The following TRPC3 variants were observed in gnomAD, a reference collection of about 807,000 sequenced individuals.
The protein encoded by TRPC3 is transient receptor potential cation channel subfamily C member 3.
A neutral mutation model predicts 90.9 loss-of-function variants in TRPC3; 54 were observed. That is an observed-to-expected ratio of 0.59 (90% confidence interval 0.48 to 0.75). The LOEUF is 0.75. Ranked by LOEUF, TRPC3 falls within the 30% of genes least tolerant of loss-of-function variation. The probability of loss-of-function intolerance (pLI) is 0.00; values close to 1 mark genes in which losing one functional copy is unlikely to be tolerated. For missense variants in TRPC3, 918 were observed against 1,194.5 expected (o/e 0.77, Z 3.41); for synonymous variants, 424 against 450.9 (o/e 0.94, Z 0.75).
intron 11 of TRPC3, among the ~76,000 whole-genome samples, chr4:121,881,316 T>G (rs1727933871): frequency 6.6e-6 from 1 of 152,170 alleles, no homozygotes; most frequent in Non-Finnish European, 1.5e-5. Flanking sequence ...TTTCCCCTTT[T>G]GTGCAAGGGC....
chr4:121,876,065 A>AT lies in TRPC3; in HGVS notation c.*3670dup, dbSNP rs1727753787. ...AGACACATGCCACCATGCCCGGCTA[A>AT]TTTTTTTTGTATTTTTTGTAGAGAC... On this transcript the variant is annotated 3_prime_UTR_variant, in exon 12 of 12. Coordinates refer to ENST00000379645, the MANE Select transcript of TRPC3 (RefSeq NM_001130698.2). Among the ~76,000 whole-genome samples the AT allele has an allele frequency of 6.6e-6, 1 of 151,088 alleles. No homozygotes were observed.
At position 121,932,355 on chromosome 4, in the gene TRPC3, TGAGAGGTAAGCC is replaced by T; in HGVS notation, c.891_902del (p.Ala298_Ser301del). 1 of 1,614,066 alleles carries T rather than the reference TGAGAGGTAAGCC, an allele frequency of 6.2e-7. No homozygotes were observed. Among genetic ancestry groups the T allele is most frequent in the Non-Finnish European group, 8.5e-7 (1 of 1,180,000 alleles). On this transcript the variant is annotated inframe_deletion, in exon 2 of 12. Coordinates refer to ENST00000379645, the MANE Select transcript of TRPC3 (RefSeq NM_001130698.2). This position sits in a 1 kb window ranked among gnomAD's most constrained non-coding sequence, Gnocchi z 7.7. ...TAAGCACCGGGTCCTCGCTGGACAA[TGAGAGGTAAGCC>T]GGGCTGGCCAGCCCCTTGTAGGCAT...
chr4:121,918,329 G>A (rs934128158), intron 3 of TRPC3, among the ~76,000 whole-genome samples: 3 of 152,090 alleles, frequency 2.0e-5, no homozygotes, highest in African/African-American at 4.8e-5. Context: ...CAACACAAAC[G>A]GACTAAGGCA....
chr4:121,914,089 TA>T (rs1729210227), intron 4 of TRPC3, among the ~76,000 whole-genome samples: 1 of 152,242 alleles, frequency 6.6e-6, no homozygotes, highest in African/African-American at 2.4e-5. Flanking sequence ...CACATCTTGC[TA>T]GGGGATCTCT....
At chr4:121,882,484 T>C (rs1412518498) in intron 10 of TRPC3, 55 bp from the exon 11 acceptor site, 2 of 1,535,778 alleles carry the variant, frequency 1.3e-6, no homozygotes, top group African/African-American at 1.4e-5. Flanking sequence ...AGTGCCCCAA[T>C]CCTATTTTCC....
intron 10 of TRPC3, among the ~76,000 whole-genome samples, chr4:121,883,804 C>G (rs767679938): frequency 6.6e-6 from 1 of 152,122 alleles, no homozygotes; most frequent in East Asian, 1.9e-4. Context: ...CTCCTGGGCT[C>G]AACGCTGTCC....
At position 121,951,773 on chromosome 4, in the gene TRPC3, C is replaced by G; in HGVS notation, c.-93G>C. ...TCTTCCCGCGGCGCCCCTTCACCAC[C>G]TCCCGCGGCTTCCGGGGCCCCGGGC... On this transcript the variant is annotated 5_prime_UTR_variant, in exon 1 of 12. Coordinates refer to ENST00000379645, the MANE Select transcript of TRPC3 (RefSeq NM_001130698.2). This position sits in a 1 kb window ranked among gnomAD's most constrained non-coding sequence, Gnocchi z 4.4. 1 of 1,093,650 alleles carries G rather than the reference C, an allele frequency of 9.1e-7. No individual in the cohort carries two copies. Among genetic ancestry groups the G allele is most frequent in the East Asian group, 3.3e-5 (1 of 30,586 alleles). The allele number at this position is 1,093,650 out of a possible 1,614,324, so 67.7% of individuals were successfully genotyped here. A position where few individuals can be genotyped will look rare whatever the true frequency, so the allele number is the denominator to read the frequency against.
chr4:121,881,540 C>T (rs888851676), intron 11 of TRPC3, among the ~76,000 whole-genome samples: 3 of 152,210 alleles, frequency 2.0e-5, no homozygotes, highest in African/African-American at 4.8e-5. Context: ...TCACAGGTTT[C>T]TCTTCTACAT....
Position 121,932,715 on chromosome 4 carries a change from G to A in TRPC3, c.543C>T (p.Leu181=). The part of the protein sequence containing the change: ...NLARIGDALL[L]AISKGYVRIV... ...TGCGCACGTAGCCCTTGCTGATGGCGAGCAGCAGGGCGTCGCCAATGCGCG... is the reference window on the plus strand; with the variant it reads ...TGCGCACGTAGCCCTTGCTGATGGCAAGCAGCAGGGCGTCGCCAATGCGCG... The change falls in exon 2 of 12, where the codon CTC becomes CTT. Residue 181 remains leucine (L), a synonymous_variant. Transcript: ENST00000379645. This position sits in a 1 kb window ranked among gnomAD's most constrained non-coding sequence, Gnocchi z 7.7. The A allele has an allele frequency of 1.2e-6, 2 of 1,613,816 alleles. No individual in the cohort carries two copies. The highest frequency in any genetic ancestry group is 1.7e-6 in the Non-Finnish European group (2 of 1,179,812).
intron 6 of TRPC3, among the ~76,000 whole-genome samples, chr4:121,909,198 C>CT (rs1030943153): frequency 6.6e-6 from 1 of 152,040 alleles, no homozygotes; most frequent in Non-Finnish European, 1.5e-5. Context: ...ATATAAAAGT[C>CT]TTTGCTTGCT....
rs148274998 is a variant in TRPC3 at position 121,904,412 on chromosome 4, G to T, written c.2163C>A (p.Tyr721Ter). Residue 721 changes from tyrosine (Y) to a stop codon, truncating the protein, a stop_gained, in exon 8 of 12, where the codon TAC becomes TAA. Transcript: ENST00000379645. LOFTEE classifies it high-confidence loss of function. Reference protein sequence around the residue: ...YDHKFIENIGYVLYGIYNVTM... With the variant: ...YDHKFIENIG Reference sequence around the variant, plus strand: ...TTACATTGTATATTCCATAAAGAACGTATCCAATATTTTCTATGAATTTGT... The same window carrying T: ...TTACATTGTATATTCCATAAAGAACTTATCCAATATTTTCTATGAATTTGT... 6.2e-7 allele frequency: 1 copy of T among 1,606,860 alleles called. No individual in the cohort carries two copies. Among genetic ancestry groups the T allele is most frequent in the East Asian group, 2.2e-5 (1 of 44,586 alleles).
At chr4:121,890,036 A>T (rs534160899) in intron 10 of TRPC3, among the ~76,000 whole-genome samples, 2 of 152,334 alleles carry the variant, frequency 1.3e-5, no homozygotes, top group South Asian at 4.1e-4. Context: ...CCTGGAGGAC[A>T]TAATGTTAAA....
At position 121,883,721 on chromosome 4, in the gene TRPC3, A is replaced by G. The variant is rs1180802728; in HGVS notation, c.2548-1292T>C. ...GAAGACAATTTAGTACTATCTTTTT[A>G]GTTTTTAAATTGATTTCTATTAACA... On this transcript the variant is annotated intron_variant, in intron 10 of 11. Transcript: ENST00000379645. Among the ~76,000 whole-genome samples, 6 of 152,162 alleles carry G rather than the reference A, an allele frequency of 3.9e-5. No homozygotes were observed. The East Asian group carries it at 7.7e-4, about 20-fold the overall frequency.
chr4:121,936,812 C>G (rs958518768), intron 1 of TRPC3, among the ~76,000 whole-genome samples: 4 of 152,160 alleles, frequency 2.6e-5, no homozygotes, highest in Non-Finnish European at 5.9e-5. Flanking sequence ...GACTTCCAGT[C>G]TCCAGAACTG....
rs28478110 is a variant in TRPC3, at chr4:121,929,686, A to G, written c.987+2585T>C. Among the ~76,000 whole-genome samples the G allele has an allele frequency of 4.9e-3, 749 of 152,270 alleles. 6 individuals carry two copies. The highest frequency in any genetic ancestry group is 0.017 in the African/African-American group (719 of 41,530). On this transcript the variant is annotated intron_variant, in intron 2 of 11. Coordinates refer to ENST00000379645, the MANE Select transcript of TRPC3 (RefSeq NM_001130698.2). ...TTGACCTTCACATGTTTTAAACACC[A>G]TACCTACTGTATTCCTCAAAGAAAT... is the stretch of plus-strand genomic sequence containing the variant.
At chr4:121,933,223 C>T (rs1730016514) in intron 1 of TRPC3, 181 bp from the exon 2 acceptor site, 1 of 1,265,896 alleles carries the variant, frequency 7.9e-7, no homozygotes, top group Non-Finnish European at 1.0e-6. Context: ...GTGATCTAAC[C>T]CTGGCTGCTA....
At chr4:121,913,371 A>G (rs1351441724) in intron 4 of TRPC3, among the ~76,000 whole-genome samples, 2 of 152,204 alleles carry the variant, frequency 1.3e-5, no homozygotes, top group African/African-American at 4.8e-5. Flanking sequence ...AATTCTTGCT[A>G]TGTTGCCTTT....
rs200623780 is a variant in TRPC3 at position 121,932,944 on chromosome 4, C to T, written c.314G>A (p.Arg105His). 15 of 1,613,846 alleles carry T rather than the reference C, an allele frequency of 9.3e-6. No homozygotes were observed. Among genetic ancestry groups the T allele is most frequent in the Non-Finnish European group, 1.1e-5 (13 of 1,179,918 alleles). ...VRGPAFMFND[R>H]GTSLTAEEER... is the part of the protein sequence containing the mutation. ...CTCCTCGGCGGTGAGGCTGGTGCCG[C>T]GGTCATTGAACATGAAGGCCGGGCC... is the stretch of plus-strand genomic sequence containing the variant. Residue 105 changes from arginine (R) to histidine (H), a missense_variant, in exon 2 of 12, where the codon CGC (arginine) becomes CAC (histidine). By Grantham distance (29) the Arg-to-His change is conservative. Around this residue, in one of 4 missense-constraint regions of TRPC3, gnomAD observed 609 missense variants for 725.9 expected, o/e 0.84. Coordinates refer to ENST00000379645, the MANE Select transcript of TRPC3 (RefSeq NM_001130698.2). This position sits in a 1 kb window ranked among gnomAD's most constrained non-coding sequence, Gnocchi z 7.7.
At chr4:121,883,949 C>T (rs1728025132) in intron 10 of TRPC3, among the ~76,000 whole-genome samples, 1 of 152,166 alleles carries the variant, frequency 6.6e-6, no homozygotes, top group African/African-American at 2.4e-5. Context: ...CCTAGAGAAA[C>T]TTTGTAGGTA....
Sources: gnomAD v4.1 joint callset for allele counts (sites outside exome capture counted in the v4.1 genomes callset) on GRCh38, gnomAD v4.1.1 for gene constraint, gnomAD v4.1.1 regional missense constraint, Gnocchi (gnomAD v3.1) non-coding constraint, MANE v1.5 for transcripts, NCBI Gene and HGNC (gene_info 2026-07-23, HGNC 2026-07-21) for gene names.